The following GLT8D2 variants were observed in gnomAD, a reference collection of about 807,000 sequenced individuals.
The protein encoded by GLT8D2 is glycosyltransferase 8 domain containing 2, also known as glycosyltransferase 8 domain-containing protein 2.
A neutral mutation model predicts 44.5 loss-of-function variants in GLT8D2; 45 were observed. The ratio of observed to expected loss-of-function variants is 1.01; its 90% CI spans 0.80 to 1.30. The LOEUF (loss-of-function observed/expected upper bound fraction) is 1.30, where lower values mean the gene tolerates loss of function less well. Among genes scored for constraint, GLT8D2 ranks in the 50% most tolerant of loss-of-function variants. The pLI, the probability that GLT8D2 is intolerant of heterozygous loss-of-function variation, is 0.00. For synonymous variants in GLT8D2, 156 were observed against 157.2 expected (o/e 0.99, Z 0.06); for missense variants, 400 against 430.4 (o/e 0.93, Z 0.62).
chr12:104,017,135 T>A (rs1593546050), intron 3 of GLT8D2, among the ~76,000 whole-genome samples: 2 of 152,292 alleles, frequency 1.3e-5, no homozygotes, highest in Admixed American at 1.3e-4. Context: ...AGAAAGTCAA[T>A]CTTTCTGATT....
At chr12:104,056,978 T>A (rs576390719) in intron 1 of GLT8D2, among the ~76,000 whole-genome samples, 1 of 152,204 alleles carries the variant, frequency 6.6e-6, no homozygotes, top group African/African-American at 2.4e-5. Context: ...AAACAAAAAG[T>A]GATTATTGTG....
At chr12:104,061,933 C>T (rs1477192432) in intron 1 of GLT8D2, among the ~76,000 whole-genome samples, 4 of 145,324 alleles carry the variant, frequency 2.8e-5, no homozygotes, top group South Asian at 2.2e-4. Flanking sequence ...CCAATATCGG[C>T]GCCATTACAC....
At chr12:104,000,777 AAGGAG>A (rs748055567) in intron 5 of GLT8D2, among the ~76,000 whole-genome samples, 4 of 152,214 alleles carry the variant, frequency 2.6e-5, no homozygotes, top group Admixed American at 6.5e-5. Flanking sequence ...ATAGTATGAT[AAGGAG>A]AGTGAGAAAT....
At chr12:103,994,614 G>T in intron 8 of GLT8D2, 113 bp from the exon 9 acceptor site, 1 of 862,480 alleles carries the variant, frequency 1.2e-6, no homozygotes, top group Non-Finnish European at 1.8e-6. Flanking sequence ...CTGTGTCACT[G>T]GCCACTGGGT....
chr12:104,047,863 G>A (rs531230854), intron 1 of GLT8D2, among the ~76,000 whole-genome samples: 5 of 152,358 alleles, frequency 3.3e-5, no homozygotes, highest in Middle Eastern at 3.4e-3. Context: ...AGCCTTTAGA[G>A]TAGGGGTCAG....
At chr12:104,027,263 T>C (rs1263042835) in intron 1 of GLT8D2, among the ~76,000 whole-genome samples, 1 of 152,244 alleles carries the variant, frequency 6.6e-6, no homozygotes, top group Non-Finnish European at 1.5e-5. Flanking sequence ...GGGTTTCAGG[T>C]ACCTTTTATC....
chr12:104,025,067 CAAAAAA>C (rs34885430), intron 1 of GLT8D2, among the ~76,000 whole-genome samples: 8 of 67,212 alleles, frequency 1.2e-4, no homozygotes, highest in Admixed American at 3.2e-4. Flanking sequence ...GAGACTTTGT[CAAAAAA>C]AAAAAAAAAA....
intron 5 of GLT8D2, among the ~76,000 whole-genome samples, chr12:103,999,810 G>T (rs553849181): frequency 1.7e-4 from 26 of 152,290 alleles, no homozygotes; most frequent in Non-Finnish European, 2.6e-4. Context: ...AGAATGAAAA[G>T]TATTCTTTCT....
intron 1 of GLT8D2, among the ~76,000 whole-genome samples, chr12:104,032,850 A>T (rs982037896): frequency 1.3e-5 from 2 of 151,410 alleles, no homozygotes; most frequent in African/African-American, 4.9e-5. Flanking sequence ...TCAAAGCTAG[A>T]TCTACACTCT....
chr12:103,990,701 G>A (rs1872648059), intron 10 of GLT8D2, among the ~76,000 whole-genome samples: 1 of 152,172 alleles, frequency 6.6e-6, no homozygotes, highest in African/African-American at 2.4e-5. Flanking sequence ...AGCTGTGACG[G>A]CAGCTGCAGA....
intron 1 of GLT8D2, among the ~76,000 whole-genome samples, chr12:104,063,433 C>T (rs1396376731): frequency 6.6e-6 from 1 of 152,172 alleles, no homozygotes; most frequent in Non-Finnish European, 1.5e-5. Flanking sequence ...GTAGTTCCAG[C>T]ACTTTGGGAG....
At chr12:104,014,665 C>T (rs568869043) in intron 4 of GLT8D2, among the ~76,000 whole-genome samples, 1 of 152,264 alleles carries the variant, frequency 6.6e-6, no homozygotes, top group East Asian at 1.9e-4. Context: ...AGTGCACTCA[C>T]CCTGTGGTCC....
chr12:103,993,287 C>G, intron 10 of GLT8D2, 105 bp downstream of exon 10: 1 of 847,308 alleles, frequency 1.2e-6, no homozygotes, highest in Non-Finnish European at 2.0e-6. Context: ...GCCGAGATCA[C>G]GCCATTGCAC....
At chr12:104,003,074 G>A in intron 5 of GLT8D2, 61 bp downstream of exon 5, 1 of 1,324,644 alleles carries the variant, frequency 7.5e-7, no homozygotes, top group East Asian at 2.4e-5. Context: ...GAGGGAGGGA[G>A]GGAGGGAAGG....
chr12:104,014,853 G>A (rs1023331858), intron 4 of GLT8D2, among the ~76,000 whole-genome samples, 160 bp downstream of exon 4: 4 of 152,188 alleles, frequency 2.6e-5, no homozygotes, highest in Non-Finnish European at 4.4e-5. Flanking sequence ...CCTAGGGCAC[G>A]ACTGAAAAGG....
chr12:103,996,279 G>A (rs975923442), intron 8 of GLT8D2, among the ~76,000 whole-genome samples: 5 of 152,162 alleles, frequency 3.3e-5, no homozygotes, highest in African/African-American at 1.2e-4. Context: ...CTACTGGAAG[G>A]GGGATAAAAG....
chr12:104,013,935 T>C (rs752379231), intron 4 of GLT8D2, among the ~76,000 whole-genome samples: 1 of 151,984 alleles, frequency 6.6e-6, no homozygotes, highest in Admixed American at 6.5e-5. Flanking sequence ...GATGGGGTCT[T>C]GCTTTGTTGC....
At chr12:103,997,135 A>C (rs1873535768) in intron 7 of GLT8D2, among the ~76,000 whole-genome samples, 1 of 152,226 alleles carries the variant, frequency 6.6e-6, no homozygotes, top group Admixed American at 6.5e-5. Context: ...CACAACATTT[A>C]AACACCAAAA....
chr12:104,018,798 A>G (rs1877229548), intron 3 of GLT8D2, among the ~76,000 whole-genome samples: 3 of 152,172 alleles, frequency 2.0e-5, no homozygotes, highest in Admixed American at 2.0e-4. Flanking sequence ...GTTTATCTGA[A>G]GTTCAAATTT....
Sources: allele counts gnomAD v4.1 joint callset (sites outside exome capture counted in the v4.1 genomes callset), GRCh38; gene constraint gnomAD v4.1.1; transcripts MANE v1.5; gene names NCBI Gene and HGNC (gene_info 2026-07-23, HGNC 2026-07-21).